The following ZNF653 variants were observed in gnomAD, a reference collection of about 807,000 sequenced individuals.
ZNF653 encodes zinc finger protein 653.
ZNF653 carries 37 observed loss-of-function variants against 59.9 expected under a neutral mutation model. The ratio of observed to expected loss-of-function variants is 0.62; its 90% confidence interval spans 0.48 to 0.81. The LOEUF (loss-of-function observed/expected upper bound fraction) is 0.81. Ranked by LOEUF, ZNF653 falls within the 40% of genes least tolerant of loss-of-function variation. The probability of loss-of-function intolerance (pLI) is 0.00; values close to 1 mark genes in which losing one functional copy is unlikely to be tolerated. For synonymous variants in ZNF653, 435 were observed against 371.8 expected, an observed-to-expected ratio of 1.17 and a Z score of -1.96; for missense variants, 808 against 881.1, an observed-to-expected ratio of 0.92 and a Z score of 1.05.
rs1277900792 is a variant in ZNF653, at chr19:11,495,938, C to G, written c.559+12G>C. 1.2e-6 allele frequency: 2 copies of G among 1,612,772 alleles called. No individual in the cohort carries two copies. The highest frequency in any genetic ancestry group is 1.7e-6 in the Non-Finnish European group (2 of 1,179,648). On this transcript the variant is annotated intron_variant, in intron 3 of 8. Transcript: ENST00000293771. The surrounding 1 kb of genome is among the most constrained non-coding windows in gnomAD (Gnocchi z 4.9). The stretch of plus-strand genomic sequence containing the variant: ...GGGCGGCCCCCTATGTGCCCTCGCC[C>G]TGCAGACCTACCTTTGTCACTGTCA...
chr19:11,504,155 A>C (rs912501257), intron 1 of ZNF653, among the ~76,000 whole-genome samples: 3 of 152,042 alleles, frequency 2.0e-5, no homozygotes, highest in African/African-American at 4.8e-5. Context: ...TAATCCCAGC[A>C]CTTTGGGAGG....
chr19:11,484,911 A>C (rs542293066), intron 7 of ZNF653, among the ~76,000 whole-genome samples: 12 of 151,318 alleles, frequency 7.9e-5, no homozygotes, highest in Admixed American at 7.9e-4. Flanking sequence ...ATTAGCTGGC[A>C]TGGTGGTGAG....
chr19:11,484,407 T>C (rs1005866610), intron 7 of ZNF653, among the ~76,000 whole-genome samples: 7 of 152,008 alleles, frequency 4.6e-5, no homozygotes, highest in African/African-American at 1.7e-4. Context: ...TGTGTGTGTA[T>C]ATATATATTT....
rs35556595 is a variant in ZNF653 at position 11,487,478 on chromosome 19, C to T, written c.985G>A (p.Ala329Thr). Residue 329 changes from alanine to threonine, a missense_variant, in exon 4 of 9, where the codon GCT (alanine) becomes ACT (threonine). Coordinates refer to ENST00000293771, the MANE Select transcript of ZNF653 (RefSeq NM_138783.4). The surrounding 1 kb of genome is among the most constrained non-coding windows in gnomAD (Gnocchi z 5.1). ...AGGTGAATGCCCTCGGCCGTGAGAG[C>T]GTCGTAACCAGGGCCCGCAATGATG... The part of the protein sequence containing the change: ...VIIIAGPGYD[A>T]LTAEGIHLNM... 3.3e-4 allele frequency: 540 copies of T among 1,613,576 alleles called. 1 individual carries two copies. In the African/African-American group the frequency reaches 5.7e-3, roughly 17 times the overall value.
Position 11,495,766 on chromosome 19 carries a change from G to A in ZNF653, c.559+184C>T. 4 of 626,246 alleles carry A rather than the reference G, an allele frequency of 6.4e-6. No homozygotes were observed. The highest frequency in any genetic ancestry group is 3.9e-5 in the South Asian group (2 of 51,412). The allele number at this position is 626,246 out of a possible 1,614,324, so 38.8% of individuals were successfully genotyped here. A position where few individuals can be genotyped will look rare whatever the true frequency, so the allele number is the denominator to read the frequency against. The stretch of plus-strand genomic sequence containing the variant: ...CTGCCTCCCCACTCAAGCTCTGTAA[G>A]GACGCAAAGAGGGCAAGGCCACGAA... On this transcript the variant is annotated intron_variant, in intron 3 of 8. Coordinates refer to ENST00000293771, the MANE Select transcript of ZNF653 (RefSeq NM_138783.4). This position sits in a 1 kb window ranked among gnomAD's most constrained non-coding sequence, Gnocchi z 4.9.
chr19:11,492,169 C>G (rs1266966221), intron 3 of ZNF653, among the ~76,000 whole-genome samples: 2 of 152,084 alleles, frequency 1.3e-5, no homozygotes, highest in Non-Finnish European at 2.9e-5. Context: ...GCCTCAGTCT[C>G]CTGAGTAGCT....
intron 3 of ZNF653, among the ~76,000 whole-genome samples, chr19:11,491,283 G>A (rs1190533026): frequency 6.6e-6 from 1 of 152,216 alleles, no homozygotes; most frequent in Admixed American, 6.5e-5. Context: ...TGGAATGCAA[G>A]TGGACAGGTG....
rs940933998 is a variant in ZNF653, at chr19:11,487,967, TTTTTA to T, written c.560-69_560-65del. On this transcript the variant is annotated intron_variant, in intron 3 of 8. Transcript: ENST00000293771. The surrounding 1 kb of genome is among the most constrained non-coding windows in gnomAD (Gnocchi z 5.1). Reference sequence around the variant, plus strand: ...CAGCCACTGGTATTTGTTTATTTAGTTTTTATTTTATTTTATTTATTTATTTATTT... The same window carrying T: ...CAGCCACTGGTATTTGTTTATTTAGTTTTTATTTTATTTATTTATTTATTT... The T allele has an allele frequency of 5.8e-5, 72 of 1,240,628 alleles. No homozygotes were observed. Among genetic ancestry groups the T allele is most frequent in the African/African-American group, 3.5e-4 (21 of 59,326 alleles). The allele number at this position is 1,240,628 out of a possible 1,614,324, so 76.9% of individuals were successfully genotyped here.
Position 11,505,661 on chromosome 19 carries a change from C to A in ZNF653, c.126G>T (p.Ser42=). 1 of 1,495,310 alleles carries A rather than the reference C, an allele frequency of 6.7e-7. No homozygotes were observed. The highest frequency in any genetic ancestry group is 2.2e-5 in the Admixed American group (1 of 45,312). 92.6% of individuals were successfully genotyped at this position (1,495,310 alleles called of 1,614,324 possible). The part of the protein sequence containing the change: ...KARGRPRLTE[S]DRARRRLESR... ...ACTCGAGCCGTCGCCGGGCCCGGTC[C>A]GACTCCGTGAGTCGCGGCCGGCCCC... is the stretch of plus-strand genomic sequence containing the variant. Residue 42 remains serine (S), a synonymous_variant, in exon 1 of 9, where the codon TCG becomes TCT. Transcript: ENST00000293771.
intron 1 of ZNF653, among the ~76,000 whole-genome samples, chr19:11,503,017 G>C (rs1971663283): frequency 6.7e-6 from 1 of 150,128 alleles, no homozygotes; most frequent in Non-Finnish European, 1.5e-5. Context: ...CTGGGTAACA[G>C]AGCAAGACTC....
Position 11,484,116 on chromosome 19 carries a change from G to A in ZNF653, c.1596C>T (p.Thr532=). ...TCTTCCTCTTGAAGGACTTGCCGCA[G>A]GTCTCGCAGGTGAATTCACGGACAC... ...HSGVREFTCE[T]CGKSFKRKNH... The change falls in exon 8 of 9, where the codon ACC becomes ACT. Residue 532 remains threonine, a synonymous_variant. Coordinates refer to ENST00000293771, the MANE Select transcript of ZNF653 (RefSeq NM_138783.4). 6.4e-7 allele frequency: 1 copy of A among 1,554,960 alleles called. No individual in the cohort carries two copies. The highest frequency in any genetic ancestry group is 8.7e-7 in the Non-Finnish European group (1 of 1,149,030).
chr19:11,503,197 T>C (rs1971665815), intron 1 of ZNF653, among the ~76,000 whole-genome samples: 1 of 152,140 alleles, frequency 6.6e-6, no homozygotes, highest in South Asian at 2.1e-4. Context: ...CACCAATCTG[T>C]CCTTGTCTTC....
intron 3 of ZNF653, among the ~76,000 whole-genome samples, chr19:11,493,406 T>G (rs546488335): frequency 6.6e-6 from 1 of 152,168 alleles, no homozygotes; most frequent in African/African-American, 2.4e-5. Context: ...TTTAGGACAG[T>G]AGGAGATTAA....
intron 3 of ZNF653, among the ~76,000 whole-genome samples, chr19:11,492,200 C>T (rs575129938): frequency 6.6e-6 from 1 of 152,250 alleles, no homozygotes; most frequent in East Asian, 1.9e-4. Flanking sequence ...GCACACCCCA[C>T]CATGCCCCGC....
intron 6 of ZNF653, 69 bp downstream of exon 6, chr19:11,486,700 G>A: frequency 1.5e-6 from 2 of 1,307,810 alleles, no homozygotes; most frequent in Non-Finnish European, 2.1e-6. Context: ...CTAGAGGTAG[G>A]ACATCCTGGT....
At chr19:11,488,855 G>A (rs542837955) in intron 3 of ZNF653, among the ~76,000 whole-genome samples, 9 of 149,656 alleles carry the variant, frequency 6.0e-5, no homozygotes, top group South Asian at 2.1e-4. Flanking sequence ...CTCGGCCTCC[G>A]AAAGTGCTGG....
rs1971701476 is a variant in ZNF653, at chr19:11,505,327, G to A, written c.299+161C>T. 4.4e-6 allele frequency: 3 copies of A among 682,204 alleles called. No homozygotes were observed. In the East Asian group the frequency reaches 1.0e-4, roughly 24 times the overall value. The allele number at this position is 682,204 out of a possible 1,614,324, so 42.3% of individuals were successfully genotyped here. Reference sequence around the variant, plus strand: ...TGGGAGGCGGGGCCACGAGCCAGGCGCGTCCCGGCCAGGCAGTACGAGACC... The same window carrying A: ...TGGGAGGCGGGGCCACGAGCCAGGCACGTCCCGGCCAGGCAGTACGAGACC... On this transcript the variant is annotated intron_variant, in intron 1 of 8. Transcript: ENST00000293771.
At chr19:11,493,860 A>C (rs1379941656) in intron 3 of ZNF653, among the ~76,000 whole-genome samples, 1 of 151,790 alleles carries the variant, frequency 6.6e-6, no homozygotes, top group African/African-American at 2.4e-5. Flanking sequence ...CTCTACAAAA[A>C]ATTTAAAAAT....
chr19:11,492,909 C>T (rs1971544086), intron 3 of ZNF653, among the ~76,000 whole-genome samples: 1 of 152,026 alleles, frequency 6.6e-6, no homozygotes, highest in Admixed American at 6.6e-5. Context: ...CCACACCTGG[C>T]TAATTTTTTG....
Sources: allele counts gnomAD v4.1 joint callset (sites outside exome capture counted in the v4.1 genomes callset), GRCh38; gene constraint gnomAD v4.1.1; non-coding constraint Gnocchi (gnomAD v3.1); transcripts MANE v1.5; gene names NCBI Gene and HGNC (gene_info 2026-07-23, HGNC 2026-07-21).